Variants in TNRC6B observed in about 807,000 individuals in gnomAD.
TNRC6B encodes trinucleotide repeat containing adaptor 6B.
A neutral mutation model predicts 203.6 loss-of-function variants in TNRC6B; 52 were observed. The ratio of observed to expected loss-of-function variants is 0.26; its 90% CI spans 0.20 to 0.32. The LOEUF (loss-of-function observed/expected upper bound fraction) is 0.32, where lower values mean the gene tolerates loss of function less well. Among genes scored for constraint, TNRC6B ranks in the 10% least tolerant of loss-of-function variants. The pLI, the probability that TNRC6B is intolerant of heterozygous loss-of-function variation, is 1.00. For synonymous variants in TNRC6B, 838 were observed against 845.7 expected (o/e 0.99, Z 0.16); for missense variants, 1,923 against 2,286.2 (o/e 0.84, Z 3.24).
chr22:40,103,479 A>G (rs1226474315), intron 1 of TNRC6B, among the ~76,000 whole-genome samples: 1 of 152,174 alleles, frequency 6.6e-6, no homozygotes, highest in Non-Finnish European at 1.5e-5. Flanking sequence ...TTTGAGGTTC[A>G]TTCATGTTGT....
At chr22:40,244,835 G>C (rs2070083221) in intron 1 of TNRC6B, among the ~76,000 whole-genome samples, 2 of 152,190 alleles carry the variant, frequency 1.3e-5, no homozygotes, top group Non-Finnish European at 2.9e-5. Context: ...AGTTGGTTGA[G>C]TGTATGTTTT....
chr22:40,313,698 G>A (rs1245570977), intron 19 of TNRC6B, among the ~76,000 whole-genome samples: 4 of 152,206 alleles, frequency 2.6e-5, no homozygotes, highest in African/African-American at 9.7e-5. Context: ...GTCCAACTAC[G>A]AAGACGCTGC....
chr22:40,085,697 A>G (rs1411868981), intron 1 of TNRC6B, among the ~76,000 whole-genome samples: 1 of 152,208 alleles, frequency 6.6e-6, no homozygotes, highest in Non-Finnish European at 1.5e-5. Flanking sequence ...ATCAAGAGGC[A>G]CATAATAACC....
chr22:40,075,157 T>TATATATATATATATATATATATATATATA (rs1491547107), intron 1 of TNRC6B, among the ~76,000 whole-genome samples: 2 of 34,514 alleles, frequency 5.8e-5, no homozygotes, highest in Non-Finnish European at 1.0e-4. Context: ...TATATATATA[T>TATATATATATATATATATATATATATATA]TTTTTTTTTT....
At chr22:40,203,531 G>A (rs541117308) in intron 1 of TNRC6B, among the ~76,000 whole-genome samples, 2 of 152,212 alleles carry the variant, frequency 1.3e-5, no homozygotes, top group South Asian at 4.1e-4. Context: ...AGGTAAAATA[G>A]AATTGGGAAA....
chr22:40,285,736 G>A lies in TNRC6B; in HGVS notation c.3674G>A (p.Arg1225Gln), dbSNP rs1482305938. The A allele has an allele frequency of 3.1e-6, 5 of 1,613,798 alleles. No homozygotes were observed. The highest frequency in any genetic ancestry group is 1.1e-5 in the South Asian group (1 of 91,072). ...CCACTAAATTCTTCTCCCAGTCTCCGGGCGCAAGTGCCTCCCCAGTTTATT... is the reference window on the plus strand; with the variant it reads ...CCACTAAATTCTTCTCCCAGTCTCCAGGCGCAAGTGCCTCCCCAGTTTATT... ...VQPLNSSPSL[R>Q]AQVPPQFISP... is the part of the protein sequence containing the mutation. The change falls in exon 12 of 23, where the codon CGG becomes CAG. Residue 1225 changes from arginine (R) to glutamine (Q), a missense_variant. Physicochemically the swap from Arg to Gln is conservative, Grantham distance 43 (BLOSUM62 1). This residue lies in a region of TNRC6B where 242 missense variants were observed against 399.5 expected (regional missense o/e 0.61). Transcript: ENST00000454349.
chr22:40,323,415 C>T lies in TNRC6B; in HGVS notation c.*174C>T. On this transcript the variant is annotated 3_prime_UTR_variant, in exon 23 of 23. Transcript: ENST00000454349. ...GACTGTCTGAGCACATAGTTGCCTC[C>T]CTTATAACTTCAGTTTTTTCGTTTG... 1 of 697,930 alleles carries T rather than the reference C, an allele frequency of 1.4e-6. No homozygotes were observed. Among genetic ancestry groups the T allele is most frequent in the East Asian group, 3.1e-5 (1 of 32,326 alleles). The allele number at this position is 697,930 out of a possible 1,614,324, so 43.2% of individuals were successfully genotyped here. A position where few individuals can be genotyped will look rare whatever the true frequency, so the allele number is the denominator to read the frequency against.
chr22:40,306,893 CAGG>C (rs2071093455), intron 15 of TNRC6B, among the ~76,000 whole-genome samples: 1 of 152,134 alleles, frequency 6.6e-6, no homozygotes, highest in Non-Finnish European at 1.5e-5. Context: ...GAGGCTGAGG[CAGG>C]AGAATTGCTT....
At chr22:40,159,906 G>A (rs2068856674) in intron 4 of TNRC6B, among the ~76,000 whole-genome samples, 1 of 151,704 alleles carries the variant, frequency 6.6e-6, no homozygotes, top group Non-Finnish European at 1.5e-5. Flanking sequence ...TGAATTCCTG[G>A]GCTCATGGGA....
chr22:40,288,279 G>A (rs5757905), intron 12 of TNRC6B, among the ~76,000 whole-genome samples: 111,528 of 152,082 alleles, frequency 0.73, 41,422 homozygotes, highest in East Asian at 0.99. Context: ...CAGGTCTCCA[G>A]TCTTCTGTGA....
chr22:40,266,589 G>A lies in TNRC6B; in HGVS notation c.2359G>A (p.Gly787Ser). 6.2e-7 allele frequency: 1 copy of A among 1,612,918 alleles called. No individual in the cohort carries two copies. The highest frequency in any genetic ancestry group is 8.5e-7 in the Non-Finnish European group (1 of 1,179,282). The change falls in exon 5 of 23, where the codon GGC becomes AGC. Residue 787 changes from glycine to serine, a missense_variant. By Grantham distance (56) the Gly-to-Ser change is moderately conservative. Coordinates refer to ENST00000454349, the MANE Select transcript of TNRC6B (RefSeq NM_001162501.2). ...QNEIGTWGNG[G>S]NASLASKGGW... ...TGAAATCGGGACTTGGGGTAATGGT[G>A]GCAATGCAAGCCTAGCTTCAAAAGG... is the stretch of plus-strand genomic sequence containing the variant.
intron 12 of TNRC6B, among the ~76,000 whole-genome samples, chr22:40,298,714 C>A (rs2070978957): frequency 1.3e-5 from 2 of 151,170 alleles, no homozygotes; most frequent in African/African-American, 2.4e-5. Context: ...CGCCTGTAAT[C>A]TCAGCACTTT....
chr22:40,196,034 C>T (rs2069332865), intron 1 of TNRC6B, among the ~76,000 whole-genome samples: 1 of 151,426 alleles, frequency 6.6e-6, no homozygotes, highest in Non-Finnish European at 1.5e-5. Context: ...GCCTCAGCCT[C>T]CCAAAGTCCT....
chr22:40,316,000 T>C lies in TNRC6B; in HGVS notation c.4962T>C (p.Asn1654=). The C allele has an allele frequency of 1.2e-6, 2 of 1,613,794 alleles. No homozygotes were observed. ...VRPSYWLVLH[N]LTPQIDGSTL... ...CTAGTTACTGGCTGGTTCTTCACAA[T>C]CTCACCCCACAGGTAATTATGCTTT... The change falls in exon 21 of 23, where the codon AAT becomes AAC. Residue 1654 remains asparagine (N), a synonymous_variant. Coordinates refer to ENST00000454349, the MANE Select transcript of TNRC6B (RefSeq NM_001162501.2).
chr22:40,136,371 T>TTGTGTGTG (rs56246561), intron 3 of TNRC6B, among the ~76,000 whole-genome samples: 7,638 of 141,072 alleles, frequency 0.054, 243 homozygotes, highest in African/African-American at 0.076. Flanking sequence ...TATGTTTATC[T>TTGTGTGTG]TGTGTGTGTG....
rs948629669 is a variant in TNRC6B at position 40,330,727 on chromosome 22, G to C, written c.*7486G>C. 6.6e-6 allele frequency: 1 copy of C among 152,634 alleles called. No homozygotes were observed. Among genetic ancestry groups the C allele is most frequent in the Non-Finnish European group, 1.5e-5 (1 of 68,048 alleles). 9.5% of individuals were successfully genotyped at this position (152,634 alleles called of 1,614,324 possible). On this transcript the variant is annotated 3_prime_UTR_variant, in exon 23 of 23. Coordinates refer to ENST00000454349, the MANE Select transcript of TNRC6B (RefSeq NM_001162501.2). The stretch of plus-strand genomic sequence containing the variant: ...GTATAGTATTTCTGAATGTGCCTTT[G>C]TGAGTACAGAGACCGTCCGTTCTAG...
At chr22:40,118,171 G>C (rs1346539832) in intron 2 of TNRC6B, among the ~76,000 whole-genome samples, 1 of 152,128 alleles carries the variant, frequency 6.6e-6, no homozygotes, top group African/African-American at 2.4e-5. Flanking sequence ...CCTAGTGTAT[G>C]CACCTTGTCT....
intron 13 of TNRC6B, 67 bp from the exon 14 acceptor site, chr22:40,300,843 T>TTTA (rs1266960623): frequency 2.7e-6 from 4 of 1,486,678 alleles, no homozygotes; most frequent in Non-Finnish European, 3.7e-6. Flanking sequence ...GCACAGACCC[T>TTTA]TTAGGTGTCC....
At chr22:40,137,382 C>G (rs1245608301) in intron 3 of TNRC6B, among the ~76,000 whole-genome samples, 1 of 152,056 alleles carries the variant, frequency 6.6e-6, no homozygotes, top group African/African-American at 2.4e-5. Flanking sequence ...CATAGTAGTT[C>G]AATACTCCAT....
Sources: gnomAD v4.1 joint callset for allele counts (sites outside exome capture counted in the v4.1 genomes callset) on GRCh38, gnomAD v4.1.1 for gene constraint, gnomAD v4.1.1 regional missense constraint, MANE v1.5 for transcripts, NCBI Gene and HGNC (gene_info 2026-07-23, HGNC 2026-07-21) for gene names.